Variants in MAN1A1 observed in about 807,000 individuals in gnomAD.
MAN1A1 encodes the protein mannosyl-oligosaccharide 1,2-alpha-mannosidase IA.
Under a neutral mutation model 70.8 loss-of-function variants are expected in MAN1A1, and 29 were observed. The ratio of observed to expected loss-of-function variants is 0.41; its 90% confidence interval spans 0.31 to 0.56. The LOEUF (loss-of-function observed/expected upper bound fraction) is 0.56, where lower values mean the gene tolerates loss of function less well. Among genes scored for constraint, MAN1A1 ranks in the 20% least tolerant of loss-of-function variants. MAN1A1 has a pLI of 0.29. For missense variants in MAN1A1, 747 were observed against 841.3 expected, an observed-to-expected ratio of 0.89 and a Z score of 1.39; for synonymous variants, 349 against 330.1, an observed-to-expected ratio of 1.06 and a Z score of -0.62.
intron 6 of MAN1A1, among the ~76,000 whole-genome samples, chr6:119,218,271 C>T (rs886730195): frequency 2.0e-5 from 3 of 152,000 alleles, no homozygotes; most frequent in Non-Finnish European, 4.4e-5. Flanking sequence ...GTTCTGTACC[C>T]TATTTAGAAA....
Position 119,307,079 on chromosome 6 carries a change from A to G in MAN1A1, c.604-87T>C, listed in dbSNP as rs537195343. The G allele has an allele frequency of 1.8e-5, 15 of 844,866 alleles. No homozygotes were observed. The East Asian group carries it at 2.0e-4, about 11-fold the overall frequency. 52.3% of individuals were successfully genotyped at this position (844,866 alleles called of 1,614,324 possible). On this transcript the variant is annotated intron_variant, in intron 2 of 12. Coordinates refer to ENST00000368468, the MANE Select transcript of MAN1A1 (RefSeq NM_005907.4). ...GTAATATATTGAAGAGCAAAGGCTA[A>G]AACATTAAAATTCATTAGTTAAAAG...
At chr6:119,291,187 G>T (rs1339780590) in intron 4 of MAN1A1, among the ~76,000 whole-genome samples, 1 of 151,932 alleles carries the variant, frequency 6.6e-6, no homozygotes. Context: ...AGTCTCACAA[G>T]ATCTGATGGT....
chr6:119,332,008 T>C (rs1161801681), intron 2 of MAN1A1: 1 of 497,214 alleles, frequency 2.0e-6, no homozygotes, highest in South Asian at 1.5e-5. Flanking sequence ...CAATTTCCTA[T>C]GTATAAAATG....
At chr6:119,265,734 T>G (rs756354485) in intron 5 of MAN1A1, among the ~76,000 whole-genome samples, 4 of 151,978 alleles carry the variant, frequency 2.6e-5, no homozygotes, top group Non-Finnish European at 5.9e-5. Flanking sequence ...GGCAGGGATG[T>G]CCCCTCTTAC....
At chr6:119,272,220 A>C (rs1775944784) in intron 5 of MAN1A1, among the ~76,000 whole-genome samples, 1 of 152,190 alleles carries the variant, frequency 6.6e-6, no homozygotes, top group African/African-American at 2.4e-5. Context: ...TTCCATGGTA[A>C]AGTGAGTCTA....
intron 5 of MAN1A1, among the ~76,000 whole-genome samples, chr6:119,255,078 C>T (rs1775424556): frequency 6.6e-6 from 1 of 152,096 alleles, no homozygotes; most frequent in South Asian, 2.1e-4. Flanking sequence ...GTAAACAAGA[C>T]ATATGGTTTT....
chr6:119,235,931 A>G (rs1403620733), intron 6 of MAN1A1, among the ~76,000 whole-genome samples: 4 of 151,898 alleles, frequency 2.6e-5, no homozygotes, highest in Non-Finnish European at 5.9e-5. Context: ...TGAGGTCAGG[A>G]GTTTGAGACC....
chr6:119,254,741 A>G (rs947885812), intron 5 of MAN1A1, among the ~76,000 whole-genome samples: 1 of 152,230 alleles, frequency 6.6e-6, no homozygotes, highest in African/African-American at 2.4e-5. Flanking sequence ...GAATTTTCTA[A>G]AAGATTTTGC....
intron 6 of MAN1A1, among the ~76,000 whole-genome samples, chr6:119,217,044 T>C (rs1318735514): frequency 6.6e-6 from 1 of 152,178 alleles, no homozygotes; most frequent in Non-Finnish European, 1.5e-5. Flanking sequence ...TAATTCCAAG[T>C]CATAAAGTAT....
At chr6:119,316,953 T>TC (rs1479414019) in intron 2 of MAN1A1, among the ~76,000 whole-genome samples, 2 of 128,784 alleles carry the variant, frequency 1.6e-5, no homozygotes, top group Non-Finnish European at 3.1e-5. Context: ...TTATTATTCT[T>TC]TTTTTTTTTT....
At chr6:119,308,187 C>T (rs1029977342) in intron 2 of MAN1A1, among the ~76,000 whole-genome samples, 2 of 152,128 alleles carry the variant, frequency 1.3e-5, no homozygotes, top group Non-Finnish European at 2.9e-5. Flanking sequence ...CAACTTTACT[C>T]AGTCACCACA....
At chr6:119,218,987 A>G (rs1337289355) in intron 6 of MAN1A1, among the ~76,000 whole-genome samples, 1 of 152,152 alleles carries the variant, frequency 6.6e-6, no homozygotes, top group Non-Finnish European at 1.5e-5. Flanking sequence ...TGTGACCATG[A>G]ATGTGCTGCA....
chr6:119,228,805 A>T (rs917924262), intron 6 of MAN1A1, among the ~76,000 whole-genome samples: 1 of 152,144 alleles, frequency 6.6e-6, no homozygotes, highest in African/African-American at 2.4e-5. Flanking sequence ...AAAATGACAA[A>T]ATATAGGCAT....
intron 11 of MAN1A1, among the ~76,000 whole-genome samples, chr6:119,180,733 C>T (rs1443746247): frequency 1.3e-5 from 2 of 152,020 alleles, no homozygotes; most frequent in Non-Finnish European, 2.9e-5. Flanking sequence ...ATGGTTGTCT[C>T]AAACTCCTGG....
intron 4 of MAN1A1, among the ~76,000 whole-genome samples, chr6:119,299,541 T>C (rs1055167856): frequency 6.6e-6 from 1 of 152,050 alleles, no homozygotes; most frequent in Non-Finnish European, 1.5e-5. Context: ...AGGCCTAAAA[T>C]ATATATGCAA....
intron 2 of MAN1A1, among the ~76,000 whole-genome samples, chr6:119,317,465 C>T (rs539521549): frequency 6.6e-6 from 1 of 152,180 alleles, no homozygotes. Context: ...ATTGGAATCA[C>T]AAAATACGTA....
chr6:119,248,524 G>A (rs1192215948), intron 5 of MAN1A1, among the ~76,000 whole-genome samples, 170 bp from the exon 6 acceptor site: 1 of 152,200 alleles, frequency 6.6e-6, no homozygotes, highest in South Asian at 2.1e-4. Context: ...AAGCAACAAT[G>A]GTCCAGGGGC....
In MAN1A1 at chr6:119,349,277, G is replaced by A. The variant is rs543225261; in HGVS notation, c.-212C>T. On this transcript the variant is annotated 5_prime_UTR_variant, in exon 2 of 13. Transcript: ENST00000368468. ...ACACAGGCACGCGCGACAGACCGCTGGCTGCAGCCCCTGCGGGGAGAGAAA... is the reference window on the plus strand; with the variant it reads ...ACACAGGCACGCGCGACAGACCGCTAGCTGCAGCCCCTGCGGGGAGAGAAA... The A allele has an allele frequency of 2.5e-6, 3 of 1,212,482 alleles. No individual in the cohort carries two copies. The highest frequency in any genetic ancestry group is 3.1e-6 in the Non-Finnish European group (3 of 976,142). The allele number at this position is 1,212,482 out of a possible 1,614,324, so 75.1% of individuals were successfully genotyped here.
rs3823005 is a variant in MAN1A1 at position 119,328,735 on chromosome 6, C to T, written c.603+19728G>A. Reference sequence around the variant, plus strand: ...GTGTGTTTTAACTGGTCACCATTTACGTGTTTAGACTTCATCACATAATGA... The same window carrying T: ...GTGTGTTTTAACTGGTCACCATTTATGTGTTTAGACTTCATCACATAATGA... On this transcript the variant is annotated intron_variant, in intron 2 of 12. Coordinates refer to ENST00000368468, the MANE Select transcript of MAN1A1 (RefSeq NM_005907.4). Among the ~76,000 whole-genome samples, 895 of 152,206 alleles carry T rather than the reference C, an allele frequency of 5.9e-3. 31 individuals carry two copies. The East Asian group carries it at 0.09, about 15-fold the overall frequency.
Sources: allele counts gnomAD v4.1 joint callset (sites outside exome capture counted in the v4.1 genomes callset), GRCh38; gene constraint gnomAD v4.1.1; transcripts MANE v1.5; gene names NCBI Gene and HGNC (gene_info 2026-07-23, HGNC 2026-07-21).